The following GOSR2 variants were observed in gnomAD, a reference collection of about 807,000 sequenced individuals.
GOSR2 encodes the protein golgi SNAP receptor complex member 2, also known as 27 kDa Golgi SNARE protein.
GOSR2 carries 20 observed loss-of-function variants against 27.9 expected under a neutral mutation model. The observed-to-expected ratio is 0.72, with a 90% confidence interval of 0.50 to 1.04. The LOEUF (loss-of-function observed/expected upper bound fraction) is 1.04. Ranked by LOEUF, GOSR2 falls within the 50% of genes least tolerant of loss-of-function variation. The pLI is 0.00. For synonymous variants in GOSR2, 91 were observed against 98.8 expected (o/e 0.92, Z 0.47); for missense variants, 261 against 270.5 (o/e 0.97, Z 0.25).
At chr17:46,973,508 T>A (rs890809132) in intron 6 of GOSR2, among the ~76,000 whole-genome samples, 8 of 152,048 alleles carry the variant, frequency 5.3e-5, no homozygotes, top group African/African-American at 1.9e-4. Flanking sequence ...GCGTTCCCCA[T>A]GGGTTAAACT....
At chr17:46,935,516 T>C in intron 5 of GOSR2, 1 of 1,297,036 alleles carries the variant, frequency 7.7e-7, no homozygotes, top group Non-Finnish European at 9.8e-7. Context: ...AATGAAGACG[T>C]GGCTGTCCTT....
At chr17:46,933,941 CAAAA>C (rs4060607) in intron 4 of GOSR2, among the ~76,000 whole-genome samples, 4 of 144,382 alleles carry the variant, frequency 2.8e-5, no homozygotes, top group Admixed American at 2.1e-4. Context: ...GAGCCTGTCT[CAAAA>C]AAAAAAAAAA....
At chr17:46,944,017 G>C (rs1469668971), downstream of GOSR2, among the ~76,000 whole-genome samples, 7 of 152,232 alleles carry the variant, frequency 4.6e-5, no homozygotes, top group East Asian at 1.2e-3. Flanking sequence ...AATTCCATTA[G>C]TGTGGTTCCA....
intron 6 of GOSR2, among the ~76,000 whole-genome samples, chr17:46,947,611 G>C (rs2090009947): frequency 6.6e-6 from 1 of 152,194 alleles, no homozygotes; most frequent in Admixed American, 6.5e-5. Context: ...GGGGATGGCA[G>C]ACATGGCTTA....
In GOSR2 at chr17:46,939,700, TG is replaced by T; in HGVS notation, c.*943del. 1.0e-6 allele frequency: 1 copy of T among 985,714 alleles called. No individual in the cohort carries two copies. The highest frequency in any genetic ancestry group is 1.2e-6 in the Non-Finnish European group (1 of 830,132). The allele number at this position is 985,714 out of a possible 1,614,324, so 61.1% of individuals were successfully genotyped here. On this transcript the variant is annotated 3_prime_UTR_variant, in exon 6 of 6. Coordinates refer to ENST00000640051, the MANE Select transcript of GOSR2 (RefSeq NM_004287.5). ...AGGCCCTCATTTTGCCCAGCCAGTG[TG>T]GGCAGATCCCACCGTGGAGACATCT...
intron 6 of GOSR2, among the ~76,000 whole-genome samples, chr17:46,953,016 G>T (rs1370408577): frequency 6.6e-6 from 1 of 151,718 alleles, no homozygotes; most frequent in East Asian, 1.9e-4. Flanking sequence ...AATTCTTTTT[G>T]TTTTTAAATT....
chr17:46,930,895 A>G (rs779577496), intron 2 of GOSR2: 2 of 572,198 alleles, frequency 3.5e-6, no homozygotes, highest in Non-Finnish European at 6.2e-6. Flanking sequence ...TGTCATTAAC[A>G]GCTATATACA....
At chr17:46,952,645 TGAA>T (rs1446163090) in intron 6 of GOSR2, 1 of 152,112 alleles carries the variant, frequency 6.6e-6, no homozygotes. Flanking sequence ...CATCTTAACC[TGAA>T]GGCTTTTATT....
intron 1 of GOSR2, among the ~76,000 whole-genome samples, chr17:46,929,052 A>G (rs1295303909): frequency 1.3e-5 from 2 of 151,784 alleles, no homozygotes; most frequent in African/African-American, 2.4e-5. Flanking sequence ...ATTCCTCATT[A>G]TGTTGTTTCT....
Position 46,923,277 on chromosome 17 carries a change from T to C in GOSR2, c.29+56T>C, listed in dbSNP as rs971288143. 2.1e-5 allele frequency: 32 copies of C among 1,550,146 alleles called. No homozygotes were observed. In the Middle Eastern group the frequency reaches 5.0e-4, roughly 24 times the overall value. The stretch of plus-strand genomic sequence containing the variant: ...TAGACGAGGCGAGGCCAGGTGAGCC[T>C]GGCTTCTGGGGCTGAGGCCTCGGAC... On this transcript the variant is annotated intron_variant, in intron 1 of 5. Transcript: ENST00000640051.
chr17:46,943,555 T>C (rs1268950085), downstream of GOSR2, among the ~76,000 whole-genome samples: 1 of 152,216 alleles, frequency 6.6e-6, no homozygotes. Flanking sequence ...TACTGCACGC[T>C]TCCTGCGGAA....
chr17:46,972,853 T>G (rs1472539418), intron 6 of GOSR2, among the ~76,000 whole-genome samples: 1 of 152,058 alleles, frequency 6.6e-6, no homozygotes, highest in South Asian at 2.1e-4. Flanking sequence ...CCTTCACCTC[T>G]GCAACTTCCT....
intron 1 of GOSR2, chr17:46,923,769 G>A: frequency 2.4e-6 from 1 of 414,930 alleles, no homozygotes; most frequent in South Asian, 1.2e-4. Context: ...TTATCGCTAA[G>A]AAAATCAAAT....
rs556072492 is a variant in GOSR2 at position 46,974,627 on chromosome 17, G to C, written c.616-572G>C. Among the ~76,000 whole-genome samples, 4 of 152,146 alleles carry C rather than the reference G, an allele frequency of 2.6e-5. No individual in the cohort carries two copies. The East Asian group carries it at 7.8e-4, about 30-fold the overall frequency. On this transcript the variant is annotated intron_variant, in intron 6 of 6. Coordinates refer to the GOSR2 transcript ENST00000640723. ...CGGGCGCCTGTAGTCCCAGCTACTC[G>C]GGAGGCTGAGGCAGGAGGATGGCGT... is the stretch of plus-strand genomic sequence containing the variant.
Position 46,938,615 on chromosome 17 carries a change from T to C in GOSR2, c.494T>C (p.Ile165Thr), listed in dbSNP as rs1174960388. 13 of 1,613,890 alleles carry C rather than the reference T, an allele frequency of 8.1e-6. No homozygotes were observed. Among genetic ancestry groups the C allele is most frequent in the Non-Finnish European group, 1.1e-5 (13 of 1,179,906 alleles). The change falls in exon 6 of 6, where the codon ATC (isoleucine) becomes ACC (threonine). Residue 165 changes from isoleucine to threonine, a missense_variant. Physicochemically the swap from Ile to Thr is moderately conservative, Grantham distance 89. Coordinates refer to ENST00000640051, the MANE Select transcript of GOSR2 (RefSeq NM_004287.5). ...CTGCCCCAGGGGACTCAGAAGAAGA[T>C]CCTTGACATTGCCAACATGCTGGGC... The part of the protein sequence containing the change: ...RLTLKGTQKK[I>T]LDIANMLGLS...
chr17:46,959,886 G>A (rs1030215853), intron 6 of GOSR2, among the ~76,000 whole-genome samples: 2 of 152,190 alleles, frequency 1.3e-5, no homozygotes, highest in African/African-American at 4.8e-5. Flanking sequence ...CAGGAAGACC[G>A]ATTCATGAGA....
intron 1 of GOSR2, among the ~76,000 whole-genome samples, chr17:46,925,794 G>T (rs1482838301): frequency 6.6e-6 from 1 of 152,168 alleles, no homozygotes; most frequent in Non-Finnish European, 1.5e-5. Flanking sequence ...ATTGGAATTA[G>T]ATTGACATAT....
At chr17:46,962,924 TG>T (rs2091147042) in intron 6 of GOSR2, among the ~76,000 whole-genome samples, 1 of 152,262 alleles carries the variant, frequency 6.6e-6, no homozygotes, top group Non-Finnish European at 1.5e-5. Flanking sequence ...TCATCAATGA[TG>T]TGATTTAATC....
At chr17:46,950,133 T>C (rs535618882) in intron 6 of GOSR2, among the ~76,000 whole-genome samples, 1 of 152,356 alleles carries the variant, frequency 6.6e-6, no homozygotes, top group East Asian at 1.9e-4. Context: ...TGAGATTCTC[T>C]TTCTCAGTTG....
Sources: gnomAD v4.1 joint callset for allele counts (sites outside exome capture counted in the v4.1 genomes callset) on GRCh38, gnomAD v4.1.1 for gene constraint, MANE v1.5 for transcripts, NCBI Gene and HGNC (gene_info 2026-07-23, HGNC 2026-07-21) for gene names.